BICD2: variants seen among roughly 807,000 people sequenced by gnomAD.
The protein encoded by BICD2 is protein bicaudal D homolog 2.
In BICD2, 25 loss-of-function variants were observed where a neutral mutation model predicts 72.9. The observed-to-expected ratio is 0.34, with a 90% confidence interval of 0.25 to 0.48. The LOEUF is 0.48. Ranked by LOEUF, BICD2 falls within the 20% of genes least tolerant of loss-of-function variation. BICD2 has a pLI of 0.99. For synonymous variants in BICD2, 501 were observed against 516.1 expected (o/e 0.97, Z 0.40); for missense variants, 894 against 1,175.2 (o/e 0.76, Z 3.50).
chr9:92,727,114 G>A (rs1288018479), intron 2 of BICD2, among the ~76,000 whole-genome samples: 1 of 152,182 alleles, frequency 6.6e-6, no homozygotes, highest in Non-Finnish European at 1.5e-5. Flanking sequence ...TGCCGCTTCA[G>A]GATCTGAGAC....
Position 92,719,472 on chromosome 9 carries a change from T to C in BICD2, c.1173A>G (p.Thr391=). The C allele has an allele frequency of 6.2e-7, 1 of 1,614,072 alleles. No individual in the cohort carries two copies. Among genetic ancestry groups the C allele is most frequent in the Non-Finnish European group, 8.5e-7 (1 of 1,180,012 alleles). Residue 391 remains threonine (T), a synonymous_variant, in exon 5 of 7, where the codon ACA becomes ACG. Transcript: ENST00000356884. ...SEQQEKVTRL[T]ENLSALRRLQ... ...GGCGCCGCAGGGCACTCAGATTCTC[T>C]GTGAGGCGGGTCACCTTCTCCTGCT...
intron 1 of BICD2, among the ~76,000 whole-genome samples, chr9:92,746,532 CAA>C (rs60146380): frequency 8.4e-4 from 85 of 101,608 alleles, no homozygotes; most frequent in Admixed American, 1.2e-3. Context: ...ACTCCGTCTC[CAA>C]AAAAAAAAAA....
chr9:92,757,311 C>CCA (rs1278948859), intron 1 of BICD2, among the ~76,000 whole-genome samples: 1 of 70,952 alleles, frequency 1.4e-5, no homozygotes, highest in Non-Finnish European at 2.5e-5. Context: ...GAGACTGTCT[C>CCA]CAAAAAAAAA....
chr9:92,762,265 C>A (rs916130077), intron 1 of BICD2, among the ~76,000 whole-genome samples: 1 of 149,962 alleles, frequency 6.7e-6, no homozygotes, highest in Non-Finnish European at 1.5e-5. Flanking sequence ...ATATTTTCAA[C>A]TATAATACTG....
chr9:92,729,321 C>T, intron 1 of BICD2, 85 bp from the exon 2 acceptor site: 1 of 1,411,100 alleles, frequency 7.1e-7, no homozygotes, highest in Non-Finnish European at 9.8e-7. Context: ...GACATTCATG[C>T]TGCAGAACAA....
intron 2 of BICD2, among the ~76,000 whole-genome samples, chr9:92,725,202 T>C (rs1206492316): frequency 1.3e-5 from 2 of 152,238 alleles, no homozygotes; most frequent in Non-Finnish European, 2.9e-5. Flanking sequence ...GCAGTGCTCA[T>C]GTGAGTCCTC....
In BICD2 at chr9:92,745,634, G is replaced by A. The variant is rs995888088; in HGVS notation, c.241-16398C>T. Among the ~76,000 whole-genome samples, 25 of 152,258 alleles carry A rather than the reference G, an allele frequency of 1.6e-4. 1 individual carries two copies. Among genetic ancestry groups the A allele is most frequent in the Admixed American group, 1.6e-3 (24 of 15,298 alleles). On this transcript the variant is annotated intron_variant, in intron 1 of 6. Transcript: ENST00000356884. ...AAGCAAGAAGACTCTGGGTGCCCAGGGGAGGGAGGGCAATTACCCCAAGGC... is the reference window on the plus strand; with the variant it reads ...AAGCAAGAAGACTCTGGGTGCCCAGAGGAGGGAGGGCAATTACCCCAAGGC...
intron 1 of BICD2, among the ~76,000 whole-genome samples, chr9:92,752,334 TAA>T (rs75607850): frequency 1.2e-4 from 17 of 144,526 alleles, no homozygotes; most frequent in South Asian, 2.1e-4. Flanking sequence ...GGAAGCACTT[TAA>T]AAAAAAAAAA....
At position 92,718,742 on chromosome 9, in the gene BICD2, GGAT is replaced by G; in HGVS notation, c.1900_1902del (p.Ile634del). ...GCCTGCAGGTGCTTGATCTGGTCAC[GGAT>G]GATAGCGATCAGGTTGTAGATGTTC... On this transcript the variant is annotated inframe_deletion, in exon 5 of 7. Coordinates refer to ENST00000356884, the MANE Select transcript of BICD2 (RefSeq NM_001003800.2). The G allele has an allele frequency of 6.2e-7, 1 of 1,614,094 alleles. No individual in the cohort carries two copies. Among genetic ancestry groups the G allele is most frequent in the Non-Finnish European group, 8.5e-7 (1 of 1,180,018 alleles).
At chr9:92,741,602 A>G (rs1405429027) in intron 1 of BICD2, among the ~76,000 whole-genome samples, 1 of 152,238 alleles carries the variant, frequency 6.6e-6, no homozygotes, top group Non-Finnish European at 1.5e-5. Context: ...TTTATGTCAT[A>G]AAAAGAGCAT....
intron 1 of BICD2, among the ~76,000 whole-genome samples, chr9:92,744,627 G>T (rs927670678): frequency 2.0e-5 from 3 of 152,108 alleles, no homozygotes; most frequent in African/African-American, 7.2e-5. Context: ...GGATCATGAG[G>T]TCAAGAGATG....
chr9:92,728,557 C>G (rs187066329), intron 2 of BICD2, among the ~76,000 whole-genome samples: 1 of 152,220 alleles, frequency 6.6e-6, no homozygotes, highest in Non-Finnish European at 1.5e-5. Flanking sequence ...TTCTCAGACA[C>G]GCACACCCTA....
At chr9:92,722,125 G>A (rs1853475024) in intron 3 of BICD2, among the ~76,000 whole-genome samples, 1 of 152,230 alleles carries the variant, frequency 6.6e-6, no homozygotes, top group Non-Finnish European at 1.5e-5. Flanking sequence ...CAGAGCACAT[G>A]ACAATTTAGT....
At chr9:92,753,972 G>A (rs956102158) in intron 1 of BICD2, among the ~76,000 whole-genome samples, 3 of 150,996 alleles carry the variant, frequency 2.0e-5, no homozygotes, top group Admixed American at 1.3e-4. Flanking sequence ...GTGAAACCCC[G>A]TCACTACTAA....
intron 1 of BICD2, among the ~76,000 whole-genome samples, chr9:92,740,541 G>A (rs531475326): frequency 1.3e-5 from 2 of 152,088 alleles, no homozygotes; most frequent in East Asian, 3.9e-4. Flanking sequence ...GCGGGGAGGG[G>A]GGGCGTTGTG....
chr9:92,757,267 T>A (rs1274915273), intron 1 of BICD2, among the ~76,000 whole-genome samples: 1 of 123,594 alleles, frequency 8.1e-6, no homozygotes, highest in African/African-American at 3.3e-5. Context: ...TGAGCCAAGA[T>A]CACGCCACTG....
chr9:92,756,553 G>A (rs1232772533), intron 1 of BICD2, among the ~76,000 whole-genome samples: 2 of 148,126 alleles, frequency 1.4e-5, no homozygotes, highest in African/African-American at 4.9e-5. Flanking sequence ...GAGCCACTGC[G>A]CCCGGCCCCT....
At chr9:92,725,215 G>A (rs10821008) in intron 2 of BICD2, among the ~76,000 whole-genome samples, 57,522 of 152,126 alleles carry the variant, frequency 0.38, 13,297 homozygotes, top group African/African-American at 0.65. Context: ...GAGTCCTCAG[G>A]GTCCTTCATC....
intron 1 of BICD2, among the ~76,000 whole-genome samples, chr9:92,746,844 G>A (rs998787705): frequency 2.0e-5 from 3 of 152,152 alleles, no homozygotes; most frequent in African/African-American, 2.4e-5. Flanking sequence ...CTTCACCATG[G>A]GGCAGCCACA....
Sources: allele counts gnomAD v4.1 joint callset (sites outside exome capture counted in the v4.1 genomes callset), GRCh38; gene constraint gnomAD v4.1.1; transcripts MANE v1.5; gene names NCBI Gene and HGNC (gene_info 2026-07-23, HGNC 2026-07-21).